Variants in GRIK1 observed in about 807,000 individuals in gnomAD.
GRIK1 encodes the protein glutamate receptor ionotropic, kainate 1.
GRIK1 carries 69 observed loss-of-function variants against 105.7 expected under a neutral mutation model. The observed-to-expected ratio is 0.65, with a 90% CI of 0.54 to 0.80. The LOEUF (loss-of-function observed/expected upper bound fraction) is 0.80. GRIK1 is among the 30% of genes least tolerant of loss of function. The pLI, the probability that GRIK1 is intolerant of heterozygous loss-of-function variation, is 0.00. For missense variants in GRIK1, 1,109 were observed against 1,167.3 expected, an observed-to-expected ratio of 0.95 and a Z score of 0.73; for synonymous variants, 438 against 431.3, an observed-to-expected ratio of 1.02 and a Z score of -0.19.
intron 1 of GRIK1, among the ~76,000 whole-genome samples, chr21:29,868,139 A>T (rs375142801): frequency 4.6e-5 from 7 of 152,146 alleles, no homozygotes; most frequent in African/African-American, 1.4e-4. Context: ...ATCTGAAAAG[A>T]TCTGTGAAAA....
At chr21:29,732,763 C>G (rs982313375) in intron 1 of GRIK1, among the ~76,000 whole-genome samples, 2 of 152,060 alleles carry the variant, frequency 1.3e-5, no homozygotes, top group Non-Finnish European at 2.9e-5. Context: ...TTGCCTCACT[C>G]GATTTTGGAT....
chr21:29,728,559 A>G (rs921364564), intron 1 of GRIK1, among the ~76,000 whole-genome samples: 1 of 152,172 alleles, frequency 6.6e-6, no homozygotes, highest in African/African-American at 2.4e-5. Flanking sequence ...CACTGCTATA[A>G]ATCATTACAT....
At chr21:29,727,450 G>A (rs2064497788) in intron 1 of GRIK1, among the ~76,000 whole-genome samples, 1 of 152,108 alleles carries the variant, frequency 6.6e-6, no homozygotes, top group African/African-American at 2.4e-5. Context: ...TGTGCTGTCT[G>A]CAGTAGAAAC....
intron 1 of GRIK1, among the ~76,000 whole-genome samples, chr21:29,780,994 A>G (rs1357576752): frequency 6.6e-6 from 1 of 152,182 alleles, no homozygotes; most frequent in Non-Finnish European, 1.5e-5. Flanking sequence ...ACACATTCCC[A>G]TCTGGAATAG....
chr21:29,764,280 T>G (rs1421669557), intron 1 of GRIK1, among the ~76,000 whole-genome samples: 1 of 152,166 alleles, frequency 6.6e-6, no homozygotes, highest in African/African-American at 2.4e-5. Context: ...TTCAGTTTAC[T>G]AGTGCCACAG....
At chr21:29,723,459 G>A (rs1002723635) in intron 1 of GRIK1, among the ~76,000 whole-genome samples, 2 of 152,162 alleles carry the variant, frequency 1.3e-5, no homozygotes, top group African/African-American at 4.8e-5. Context: ...TAGAGTAATT[G>A]CTCCCAAATT....
In GRIK1 at chr21:29,786,508, A is replaced by T. The variant is rs464115; in HGVS notation, c.119-92445T>A. ...TATTCTAAATTCTATTACTGTAGTTATATTTTGCCTATCCCTGAACTTCAT... is the reference window on the plus strand; with the variant it reads ...TATTCTAAATTCTATTACTGTAGTTTTATTTTGCCTATCCCTGAACTTCAT... On this transcript the variant is annotated intron_variant, in intron 1 of 17. Coordinates refer to ENST00000327783, the MANE Select transcript of GRIK1 (RefSeq NM_001330994.2). 4.1e-3 allele frequency among the ~76,000 whole-genome samples: 622 copies of T among 152,080 alleles called. 4 individuals carry two copies. Among genetic ancestry groups the T allele is most frequent in the African/African-American group, 0.014 (599 of 41,460 alleles).
At chr21:29,882,693 A>G (rs537529987) in intron 1 of GRIK1, among the ~76,000 whole-genome samples, 1 of 152,240 alleles carries the variant, frequency 6.6e-6, no homozygotes, top group South Asian at 2.1e-4. Context: ...GAATTATCTC[A>G]CATGCATATT....
At chr21:29,757,162 A>C (rs1240560294) in intron 1 of GRIK1, among the ~76,000 whole-genome samples, 4 of 152,144 alleles carry the variant, frequency 2.6e-5, no homozygotes, top group Non-Finnish European at 5.9e-5. Flanking sequence ...AAAAAAAGAA[A>C]TGCGAACCAG....
chr21:29,743,474 T>A (rs886666504), intron 1 of GRIK1, among the ~76,000 whole-genome samples: 1 of 152,128 alleles, frequency 6.6e-6, no homozygotes, highest in Non-Finnish European at 1.5e-5. Flanking sequence ...GGCAGGTGGA[T>A]CACCTGAGGT....
intron 1 of GRIK1, among the ~76,000 whole-genome samples, chr21:29,850,784 A>C (rs1260910807): frequency 6.6e-6 from 1 of 152,192 alleles, no homozygotes; most frequent in East Asian, 1.9e-4. Context: ...TGAAGTAAGA[A>C]TCTTCAGTAT....
At chr21:29,560,353 TTCTTTTTCTTTCTTCC>T (rs1363945453) in intron 15 of GRIK1, among the ~76,000 whole-genome samples, 5 of 100,608 alleles carry the variant, frequency 5.0e-5, no homozygotes, top group East Asian at 2.9e-4. Context: ...CTTTCTTTCT[TTCTTTTTCTTTCTTCC>T]TTCCTTCCTT....
rs200678872 is a variant in GRIK1 at position 29,580,132 on chromosome 21, C to CACAT, written c.1912+1292_1912+1293insATGT. On this transcript the variant is annotated intron_variant, in intron 13 of 17. Transcript: ENST00000327783. ...ATATACATATATACACATATACACACATATATATACATATATATATACACA... is the reference window on the plus strand; with the variant it reads ...ATATACATATATACACATATACACACACATATATATATACATATATATATACACA... Among the ~76,000 whole-genome samples, 1,358 of 141,854 alleles carry CACAT rather than the reference C, an allele frequency of 9.6e-3. 19 individuals carry two copies. The highest frequency in any genetic ancestry group is 0.032 in the African/African-American group (1,223 of 37,724). 93.1% of individuals were successfully genotyped at this position (141,854 alleles called of 152,430 possible). A position where few individuals can be genotyped will look rare whatever the true frequency, so the allele number is the denominator to read the frequency against.
chr21:29,552,118 C>G (rs879878861), intron 16 of GRIK1, among the ~76,000 whole-genome samples: 9 of 152,056 alleles, frequency 5.9e-5, no homozygotes, highest in African/African-American at 1.7e-4. Context: ...ATTGGAGAAG[C>G]CTGTGGCTTC....
At chr21:29,910,505 TCAAA>T (rs1219915762) in intron 1 of GRIK1, among the ~76,000 whole-genome samples, 1 of 152,136 alleles carries the variant, frequency 6.6e-6, no homozygotes, top group Non-Finnish European at 1.5e-5. Flanking sequence ...TCTCCTCTTG[TCAAA>T]CAAAGTCATG....
intron 7 of GRIK1, among the ~76,000 whole-genome samples, chr21:29,629,710 CGATCTCCTGACCTTG>C (rs2062220477): frequency 6.6e-6 from 1 of 152,034 alleles, no homozygotes; most frequent in Non-Finnish European, 1.5e-5. Flanking sequence ...AGGATGGTCT[CGATCTCCTGACCTTG>C]TGATCTGCCT....
Position 29,708,863 on chromosome 21 carries a change from G to C in GRIK1, c.119-14800C>G, listed in dbSNP as rs149700500. 4.6e-3 allele frequency among the ~76,000 whole-genome samples: 703 copies of C among 152,116 alleles called. 7 individuals carry two copies. The highest frequency in any genetic ancestry group is 0.016 in the African/African-American group (675 of 41,500). On this transcript the variant is annotated intron_variant, in intron 1 of 17. Coordinates refer to ENST00000327783, the MANE Select transcript of GRIK1 (RefSeq NM_001330994.2). The stretch of plus-strand genomic sequence containing the variant: ...CAGTAACAGAATCTAGCCTATGTGG[G>C]ACTGTTGGAATTCAAAATTTCTCCT...
chr21:29,870,915 G>A (rs2068985018), intron 1 of GRIK1, among the ~76,000 whole-genome samples: 1 of 151,860 alleles, frequency 6.6e-6, no homozygotes, highest in Non-Finnish European at 1.5e-5. Context: ...CTAGTTTACC[G>A]GCTTACCTCC....
intron 1 of GRIK1, among the ~76,000 whole-genome samples, chr21:29,932,812 T>C (rs1172916800): frequency 5.3e-5 from 8 of 151,954 alleles, no homozygotes; most frequent in African/African-American, 1.9e-4. Context: ...ATAGGTTAAA[T>C]TGTAAATATA....
Sources: gnomAD v4.1 joint callset for allele counts (sites outside exome capture counted in the v4.1 genomes callset) on GRCh38, gnomAD v4.1.1 for gene constraint, MANE v1.5 for transcripts, NCBI Gene and HGNC (gene_info 2026-07-23, HGNC 2026-07-21) for gene names.